The following OOSP4B variants were observed in gnomAD, a reference collection of about 807,000 sequenced individuals.
OOSP4B encodes oocyte secreted protein family member 4B.
chr11:60,028,212 C>T (rs1001244992), intron 3 of OOSP4B, among the ~76,000 whole-genome samples: 2 of 150,992 alleles, frequency 1.3e-5, no homozygotes, highest in Non-Finnish European at 2.9e-5. Context: ...GTTGCCCAGG[C>T]GGGAGTGCAG....
chr11:60,030,674 G>C (rs1490591229), intron 4 of OOSP4B, 128 bp from the exon 5 acceptor site: 6 of 395,356 alleles, frequency 1.5e-5, no homozygotes, highest in Admixed American at 4.4e-5. Flanking sequence ...TACATTTTAG[G>C]GTAGAAATGT....
At chr11:60,029,006 C>G (rs1360852408) in intron 3 of OOSP4B, among the ~76,000 whole-genome samples, 1 of 152,040 alleles carries the variant, frequency 6.6e-6, no homozygotes, top group African/African-American at 2.4e-5. Context: ...AAAATGGTTT[C>G]AATAGCAGAT....
intron 3 of OOSP4B, among the ~76,000 whole-genome samples, chr11:60,028,980 A>G (rs911287368): frequency 2.0e-5 from 1 of 50,932 alleles, no homozygotes; most frequent in Non-Finnish European, 3.8e-5. Flanking sequence ...ATAGGCATCC[A>G]CTGAGCTCTC....
chr11:60,027,672 A>AAAAAAAAAAAAAAAAAAAAAAAAAAAAC (rs1854758032), intron 3 of OOSP4B, among the ~76,000 whole-genome samples: 1 of 147,726 alleles, frequency 6.8e-6, no homozygotes, highest in East Asian at 2.0e-4. Context: ...AAAAAAAAAA[A>AAAAAAAAAAAAAAAAAAAAAAAAAAAAC]AAAAAAAAGA....
Position 60,023,864 on chromosome 11 carries a change from A to G in OOSP4B, c.23-16A>G, listed in dbSNP as rs998277200. ...AGTATACTACCATATTACTTTTTGG[A>G]TTTTTTTTCTTTTAGCAATAACTGC... On this transcript the variant is annotated splice_polypyrimidine_tract_variant and intron_variant, in intron 1 of 4. Transcript: ENST00000642343. 2 of 398,204 alleles carry G rather than the reference A, an allele frequency of 5.0e-6. No homozygotes were observed. Among genetic ancestry groups the G allele is most frequent in the Non-Finnish European group, 8.9e-6 (2 of 225,956 alleles). 24.7% of individuals were successfully genotyped at this position (398,204 alleles called of 1,614,324 possible). A position where few individuals can be genotyped will look rare whatever the true frequency, so the allele number is the denominator to read the frequency against.
chr11:60,022,153 G>C (rs1454220858), intron 1 of OOSP4B: 1 of 152,084 alleles, frequency 6.6e-6, no homozygotes, highest in Admixed American at 6.6e-5. Context: ...TGCAAGCTTT[G>C]CTTTTTAAGA....
intron 3 of OOSP4B, among the ~76,000 whole-genome samples, chr11:60,026,686 A>T (rs1435494386): frequency 4.6e-5 from 7 of 152,232 alleles, no homozygotes; most frequent in Admixed American, 3.9e-4. Flanking sequence ...AAACTTCGCC[A>T]GTCATCTCTA....
chr11:60,025,113 T>C (rs1391875919), intron 3 of OOSP4B, 108 bp downstream of exon 3: 6 of 394,044 alleles, frequency 1.5e-5, no homozygotes, highest in Non-Finnish European at 2.2e-5. Context: ...GTGTATGGCA[T>C]AAATTTCTAA....
intron 1 of OOSP4B, among the ~76,000 whole-genome samples, chr11:60,020,889 G>A (rs775448023): frequency 2.0e-5 from 3 of 152,224 alleles, no homozygotes; most frequent in Non-Finnish European, 4.4e-5. Context: ...CAGCTTGGAC[G>A]ACAGAGGGAG....
intron 3 of OOSP4B, among the ~76,000 whole-genome samples, chr11:60,028,054 T>A (rs1854762816): frequency 6.6e-6 from 1 of 151,644 alleles, no homozygotes; most frequent in Non-Finnish European, 1.5e-5. Flanking sequence ...GTCATTTAAA[T>A]TCCTACTTCT....
At chr11:60,019,514 G>C (rs146775097) in intron 1 of OOSP4B, 3 of 155,760 alleles carry the variant, frequency 1.9e-5, no homozygotes, top group African/African-American at 7.2e-5. Context: ...GGATGTGTTC[G>C]GCGTTTTCTT....
intron 3 of OOSP4B, among the ~76,000 whole-genome samples, chr11:60,027,353 G>T (rs1854754687): frequency 6.6e-6 from 1 of 152,074 alleles, no homozygotes; most frequent in Non-Finnish European, 1.5e-5. Context: ...TAAAGAACAT[G>T]CTTCCCTGAC....
chr11:60,022,504 T>C (rs1406771224), intron 1 of OOSP4B, among the ~76,000 whole-genome samples: 1 of 152,204 alleles, frequency 6.6e-6, no homozygotes, highest in Non-Finnish European at 1.5e-5. Context: ...TCTGTTCTTC[T>C]AGCTGTCCCA....
At chr11:60,017,277 C>T (rs1475301896) in exon 1 of OOSP4B, 2 of 398,066 alleles carry the variant, frequency 5.0e-6, no homozygotes, top group Non-Finnish European at 4.4e-6. Context: ...CTGGGCTGCC[C>T]CAGCAGAGGG....
chr11:60,030,320 T>C (rs1005616093), intron 4 of OOSP4B, among the ~76,000 whole-genome samples: 2 of 152,210 alleles, frequency 1.3e-5, no homozygotes, highest in Non-Finnish European at 2.9e-5. Flanking sequence ...ATAGGTAAAC[T>C]AGGCTTAAAT....
At chr11:60,024,681 G>A (rs1854727809) in intron 2 of OOSP4B, among the ~76,000 whole-genome samples, 1 of 152,146 alleles carries the variant, frequency 6.6e-6, no homozygotes. Context: ...CAGACCCAGA[G>A]ACAATTTTCT....
chr11:60,030,476 A>G (rs1854795794), intron 4 of OOSP4B, among the ~76,000 whole-genome samples: 1 of 152,202 alleles, frequency 6.6e-6, no homozygotes, highest in Non-Finnish European at 1.5e-5. Context: ...CTTGAAGTTG[A>G]CATTTCATAA....
In OOSP4B at chr11:60,026,293, T is replaced by C. The variant is rs111440803; in HGVS notation, c.302+1288T>C. 8.9e-4 allele frequency among the ~76,000 whole-genome samples: 135 copies of C among 152,328 alleles called. 1 individual carries two copies. The highest frequency in any genetic ancestry group is 3.1e-3 in the African/African-American group (127 of 41,582). ...TGAATATATTTGGGTTTATAATCCATCTGAACTTAATTTTTGCATGTAGTG... is the reference window on the plus strand; with the variant it reads ...TGAATATATTTGGGTTTATAATCCACCTGAACTTAATTTTTGCATGTAGTG... On this transcript the variant is annotated intron_variant, in intron 3 of 4. Transcript: ENST00000642343.
At chr11:60,017,524 A>G in intron 1 of OOSP4B, 111 bp downstream of exon 1, 1 of 397,916 alleles carries the variant, frequency 2.5e-6, no homozygotes, top group Non-Finnish European at 4.4e-6. Flanking sequence ...ATTACTTTCT[A>G]AAACACTGCT....
Sources: allele counts gnomAD v4.1 joint callset (sites outside exome capture counted in the v4.1 genomes callset), GRCh38; gene constraint gnomAD v4.1.1; transcripts MANE v1.5; gene names NCBI Gene and HGNC (gene_info 2026-07-23, HGNC 2026-07-21).